Variants in PPIL2 observed in about 807,000 individuals in gnomAD.
PPIL2 encodes RING-type E3 ubiquitin-protein ligase PPIL2.
A neutral mutation model predicts 75.2 loss-of-function variants in PPIL2; 50 were observed. That is an observed-to-expected ratio of 0.66 (90% CI 0.53 to 0.84). The LOEUF is 0.84. PPIL2 is among the 40% of genes least tolerant of loss of function. PPIL2 has a pLI of 0.00. For missense variants in PPIL2, 590 were observed against 685.0 expected (o/e 0.86, Z 1.55); for synonymous variants, 245 against 258.8 (o/e 0.95, Z 0.51).
Position 21,694,833 on chromosome 22 carries a change from GCCA to G in PPIL2, c.1332+22_1332+24del. The G allele has an allele frequency of 6.3e-7, 1 of 1,592,912 alleles. No individual in the cohort carries two copies. The highest frequency in any genetic ancestry group is 1.3e-5 in the African/African-American group (1 of 74,750). ...CGATGCCCAGGTGAGGGGGCACGAT[GCCA>G]CCACCTAGGAGGGTCTGGGCTAGTG... On this transcript the variant is annotated intron_variant, in intron 18 of 19. Transcript: ENST00000398831.
chr22:21,671,484 C>T (rs1181626194), intron 4 of PPIL2, among the ~76,000 whole-genome samples: 1 of 152,224 alleles, frequency 6.6e-6, no homozygotes, highest in Non-Finnish European at 1.5e-5. Flanking sequence ...AGGTAACACT[C>T]TGTGGATCTA....
chr22:21,670,023 A>G (rs2066570082), intron 2 of PPIL2, 61 bp downstream of exon 2: 3 of 1,497,950 alleles, frequency 2.0e-6, no homozygotes, highest in Non-Finnish European at 2.8e-6. Flanking sequence ...CTGTGTCTTC[A>G]GGATACAGTG....
Position 21,688,480 on chromosome 22 carries a change from C to A in PPIL2, c.1022-252C>A, listed in dbSNP as rs76439986. On this transcript the variant is annotated intron_variant, in intron 14 of 19. Transcript: ENST00000398831. Reference sequence around the variant, plus strand: ...TGAGTGATGATGATGGTGGCCTTGACTCTTTAATCCCTGTCCCGGGGCAGG... The same window carrying A: ...TGAGTGATGATGATGGTGGCCTTGAATCTTTAATCCCTGTCCCGGGGCAGG... Among the ~76,000 whole-genome samples, 1,077 of 152,334 alleles carry A rather than the reference C, an allele frequency of 7.1e-3. 9 individuals carry two copies. Among genetic ancestry groups the A allele is most frequent in the African/African-American group, 0.025 (1,022 of 41,592 alleles).
rs149880729 is a variant in PPIL2 at position 21,666,409 on chromosome 22, C to T, written c.32+278C>T. The stretch of plus-strand genomic sequence containing the variant: ...GCCCGGACCGTCCCCCGTCTGTTCG[C>T]GAGTTTCGCCCTTGAATGAGTAGTC... On this transcript the variant is annotated intron_variant, in intron 1 of 19. Transcript: ENST00000398831. Among the ~76,000 whole-genome samples, 681 of 152,312 alleles carry T rather than the reference C, an allele frequency of 4.5e-3. 5 individuals carry two copies. The highest frequency in any genetic ancestry group is 0.016 in the African/African-American group (658 of 41,562).
At chr22:21,669,796 G>A (rs1188389608) in intron 1 of PPIL2, 117 bp from the exon 2 acceptor site, 22 of 1,100,074 alleles carry the variant, frequency 2.0e-5, no homozygotes, top group Middle Eastern at 2.2e-4. Flanking sequence ...CACCGTGCCC[G>A]CCCCATAGTA....
Position 21,695,575 on chromosome 22 carries a change from G to A in PPIL2, c.*85G>A. On this transcript the variant is annotated 3_prime_UTR_variant, in exon 20 of 20. Coordinates refer to ENST00000398831, the MANE Select transcript of PPIL2 (RefSeq NM_014337.4). ...TCTCCATTTCCAGCCTTTCTAGCCT[G>A]CCCTCTGCTGCCAGCCAATAAATTG... is the stretch of plus-strand genomic sequence containing the variant. 1.3e-6 allele frequency: 2 copies of A among 1,535,122 alleles called. No homozygotes were observed. The highest frequency in any genetic ancestry group is 8.8e-7 in the Non-Finnish European group (1 of 1,139,380).
At chr22:21,671,524 T>C (rs1486180358) in intron 4 of PPIL2, among the ~76,000 whole-genome samples, 1 of 152,206 alleles carries the variant, frequency 6.6e-6, no homozygotes, top group African/African-American at 2.4e-5. Flanking sequence ...TGAGAGCTTT[T>C]TTCCCCGTGT....
At chr22:21,684,979 G>T in intron 10 of PPIL2, 66 bp downstream of exon 10, 1 of 1,582,062 alleles carries the variant, frequency 6.3e-7, no homozygotes, top group South Asian at 1.1e-5. Context: ...TGGCCTCTTG[G>T]AGTGGTCCTG....
At chr22:21,692,375 C>G (rs1013719336) in intron 15 of PPIL2, among the ~76,000 whole-genome samples, 35 of 151,392 alleles carry the variant, frequency 2.3e-4, no homozygotes, top group Admixed American at 1.3e-3. Context: ...AGGATGGTCT[C>G]GATCTCCTGA....
intron 3 of PPIL2, 93 bp downstream of exon 3, chr22:21,670,704 A>G: frequency 7.4e-7 from 1 of 1,357,772 alleles, no homozygotes; most frequent in Non-Finnish European, 1.1e-6. Flanking sequence ...GGTTATGCGT[A>G]AAAGTGTGCC....
At position 21,684,734 on chromosome 22, in the gene PPIL2, C is replaced by A; in HGVS notation, c.554-19C>A. ...CTACTGGGGGCTCGGCGGCTCAGGGCCATGCTACTGTTTTGTAGATGAAGA... is the reference window on the plus strand; with the variant it reads ...CTACTGGGGGCTCGGCGGCTCAGGGACATGCTACTGTTTTGTAGATGAAGA... On this transcript the variant is annotated intron_variant, in intron 9 of 19. Transcript: ENST00000398831. 5 of 1,612,666 alleles carry A rather than the reference C, an allele frequency of 3.1e-6. No homozygotes were observed. Among genetic ancestry groups the A allele is most frequent in the Non-Finnish European group, 4.2e-6 (5 of 1,179,312 alleles).
chr22:21,692,081 T>C (rs1389464263), intron 15 of PPIL2, among the ~76,000 whole-genome samples: 2 of 151,972 alleles, frequency 1.3e-5, no homozygotes, highest in Admixed American at 6.5e-5. Flanking sequence ...TTTCAGCCTC[T>C]CTGGCTCTGC....
Position 21,697,095 on chromosome 22 carries a change from G to A in PPIL2, c.*1605G>A, listed in dbSNP as rs551024522. 20 of 1,167,314 alleles carry A rather than the reference G, an allele frequency of 1.7e-5. No homozygotes were observed. The highest frequency in any genetic ancestry group is 2.9e-4 in the Middle Eastern group (1 of 3,508). The allele number at this position is 1,167,314 out of a possible 1,614,324, so 72.3% of individuals were successfully genotyped here. A position where few individuals can be genotyped will look rare whatever the true frequency, so the allele number is the denominator to read the frequency against. On this transcript the variant is annotated 3_prime_UTR_variant, in exon 20 of 20. Transcript: ENST00000398831. ...ACTTTTGACGCCCTCCATCCCTCCC[G>A]CCAGGCACTGTCCTCCGCAAGGCCT... is the stretch of plus-strand genomic sequence containing the variant.
At chr22:21,692,819 A>G (rs1162624162) in intron 15 of PPIL2, among the ~76,000 whole-genome samples, 4 of 151,224 alleles carry the variant, frequency 2.6e-5, no homozygotes, top group Non-Finnish European at 4.4e-5. Context: ...CCAGCTACTC[A>G]GGAGGCTGAG....
At chr22:21,682,886 C>A (rs548420951) in intron 8 of PPIL2, among the ~76,000 whole-genome samples, 6 of 152,356 alleles carry the variant, frequency 3.9e-5, no homozygotes, top group Non-Finnish European at 8.8e-5. Context: ...CGGCTGCCCA[C>A]GTTCCGGTCC....
intron 15 of PPIL2, among the ~76,000 whole-genome samples, chr22:21,689,300 G>C (rs1428975059): frequency 6.6e-6 from 1 of 152,236 alleles, no homozygotes; most frequent in Non-Finnish European, 1.5e-5. Context: ...GGCCAGCAGG[G>C]CCATGCACAC....
At chr22:21,692,300 C>A (rs992391305) in intron 15 of PPIL2, among the ~76,000 whole-genome samples, 20 of 151,926 alleles carry the variant, frequency 1.3e-4, no homozygotes, top group African/African-American at 4.8e-4. Context: ...GGACTACAGG[C>A]GCCCGCCACA....
At position 21,666,063 on chromosome 22, in the gene PPIL2, T is replaced by C. The variant is rs774443061; in HGVS notation, c.-37T>C. 1.3e-4 allele frequency: 203 copies of C among 1,609,168 alleles called. No homozygotes were observed. The highest frequency in any genetic ancestry group is 1.5e-4 in the Non-Finnish European group (179 of 1,177,684). ...CCATGGTCTGAGTTGTCAGCCGTTG[T>C]TTTTTCGTGCTCGCTAGTCGCCGCC... is the stretch of plus-strand genomic sequence containing the variant. On this transcript the variant is annotated 5_prime_UTR_variant, in exon 1 of 20. Coordinates refer to ENST00000398831, the MANE Select transcript of PPIL2 (RefSeq NM_014337.4).
chr22:21,684,936 C>G (rs935615438), intron 10 of PPIL2, 23 bp downstream of exon 10: 1 of 1,609,420 alleles, frequency 6.2e-7, no homozygotes. Context: ...GGGCACTCGG[C>G]CAAGCCCAAG....
Sources: allele counts gnomAD v4.1 joint callset (sites outside exome capture counted in the v4.1 genomes callset), GRCh38; gene constraint gnomAD v4.1.1; transcripts MANE v1.5; gene names NCBI Gene and HGNC (gene_info 2026-07-23, HGNC 2026-07-21).